SYT16: variants seen among roughly 807,000 people sequenced by gnomAD.
SYT16 encodes the protein synaptotagmin 16.
A neutral mutation model predicts 61.4 loss-of-function variants in SYT16; 42 were observed. That is an observed-to-expected ratio of 0.68 (90% CI 0.53 to 0.89). SYT16 has a LOEUF of 0.89. Ranked by LOEUF, SYT16 falls within the 40% of genes least tolerant of loss-of-function variation. SYT16 has a pLI of 0.00. For missense variants in SYT16, 804 were observed against 807.3 expected, an observed-to-expected ratio of 1.00 and a Z score of 0.05; for synonymous variants, 314 against 302.3, an observed-to-expected ratio of 1.04 and a Z score of -0.40.
intron 1 of SYT16, among the ~76,000 whole-genome samples, chr14:61,839,309 G>A (rs1412643781): frequency 6.6e-6 from 1 of 152,156 alleles, no homozygotes; most frequent in Non-Finnish European, 1.5e-5. Context: ...GCCATGTGAG[G>A]ACACATCAAG....
intron 3 of SYT16, among the ~76,000 whole-genome samples, chr14:62,027,028 G>A (rs758192100): frequency 2.9e-4 from 44 of 152,002 alleles, no homozygotes; most frequent in Admixed American, 6.6e-4. Flanking sequence ...AATTGTTTAT[G>A]ATGCTGATGT....
intron 3 of SYT16, among the ~76,000 whole-genome samples, chr14:62,033,155 G>A (rs2054370926): frequency 6.6e-6 from 1 of 151,814 alleles, no homozygotes; most frequent in African/African-American, 2.4e-5. Context: ...AAATATTAAG[G>A]CAAGAGGACA....
At chr14:61,842,391 A>AT (rs1225396799) in intron 1 of SYT16, among the ~76,000 whole-genome samples, 1 of 152,092 alleles carries the variant, frequency 6.6e-6, no homozygotes, top group Non-Finnish European at 1.5e-5. Context: ...ATTGCTTTGA[A>AT]TTTTAGGTCC....
intron 3 of SYT16, among the ~76,000 whole-genome samples, chr14:62,013,784 T>C (rs948523732): frequency 5.9e-5 from 9 of 152,198 alleles, no homozygotes; most frequent in African/African-American, 2.2e-4. Flanking sequence ...GCCAATATGG[T>C]GAAACCATGT....
At chr14:61,870,772 C>T (rs2047307345) in intron 1 of SYT16, among the ~76,000 whole-genome samples, 1 of 152,100 alleles carries the variant, frequency 6.6e-6, no homozygotes, top group Non-Finnish European at 1.5e-5. Context: ...TTATATTATT[C>T]ATCTCCATAA....
rs572595681 is a variant in SYT16 at position 62,006,241 on chromosome 14, C to A, written c.523+9699C>A. ...TGATGGGTTAACAGTCTGGAAGACT[C>A]CTCATGCACTCATTTGTTCCTTTAT... On this transcript the variant is annotated intron_variant, in intron 3 of 7. Coordinates refer to ENST00000683842, the MANE Select transcript of SYT16 (RefSeq NM_001367656.1). 5.8e-4 allele frequency among the ~76,000 whole-genome samples: 89 copies of A among 152,174 alleles called. 3 individuals are homozygous for A. Among genetic ancestry groups the A allele is most frequent in the Non-Finnish European group, 2.1e-4 (14 of 68,000 alleles).
chr14:61,937,150 G>T (rs533410320), intron 1 of SYT16, among the ~76,000 whole-genome samples: 1 of 152,344 alleles, frequency 6.6e-6, no homozygotes, highest in South Asian at 2.1e-4. Flanking sequence ...CTATTTCTAA[G>T]AGCTTCAAAG....
Position 62,108,494 on chromosome 14 carries a change from T to C in SYT16, c.*7787T>C, listed in dbSNP as rs753846332. On this transcript the variant is annotated 3_prime_UTR_variant, in exon 8 of 8. Coordinates refer to ENST00000683842, the MANE Select transcript of SYT16 (RefSeq NM_001367656.1). ...TTAAGATAGTTGCATTCTAGGACCA[T>C]GTTTCTTTTTTGAGAGTGTTTCTTT... is the stretch of plus-strand genomic sequence containing the variant. 1.1e-4 allele frequency: 16 copies of C among 152,198 alleles called. No individual in the cohort carries two copies. The highest frequency in any genetic ancestry group is 2.2e-4 in the Non-Finnish European group (15 of 68,022). The allele number at this position is 152,198 out of a possible 1,614,324, so 9.4% of individuals were successfully genotyped here.
Position 62,046,796 on chromosome 14 carries a change from C to T in SYT16, c.524-22807C>T, listed in dbSNP as rs536688731. 5.1e-3 allele frequency among the ~76,000 whole-genome samples: 780 copies of T among 152,246 alleles called. 5 individuals carry two copies. The highest frequency in any genetic ancestry group is 8.7e-3 in the Non-Finnish European group (592 of 68,016). On this transcript the variant is annotated intron_variant, in intron 3 of 7. Transcript: ENST00000683842. ...TGGCATTATGTCTGAGGGCTCTGTTCTGTTCCATTGGTCTATATCTCTGTT... is the reference window on the plus strand; with the variant it reads ...TGGCATTATGTCTGAGGGCTCTGTTTTGTTCCATTGGTCTATATCTCTGTT...
intron 1 of SYT16, among the ~76,000 whole-genome samples, chr14:61,820,360 G>A (rs1290280594): frequency 3.3e-5 from 5 of 151,498 alleles, no homozygotes; most frequent in South Asian, 2.1e-4. Context: ...GCACTTCTCC[G>A]CTGATGTGCA....
intron 4 of SYT16, among the ~76,000 whole-genome samples, chr14:62,070,036 A>G (rs770693265): frequency 1.3e-5 from 2 of 152,194 alleles, no homozygotes; most frequent in Non-Finnish European, 1.5e-5. Context: ...GTGGGTCTCA[A>G]TACTAGGTTG....
At chr14:61,879,017 T>G (rs912183681) in intron 1 of SYT16, among the ~76,000 whole-genome samples, 26 of 152,218 alleles carry the variant, frequency 1.7e-4, no homozygotes, top group Non-Finnish European at 2.2e-4. Context: ...CCTTCAGTGC[T>G]ACCACTGTAA....
chr14:61,839,254 A>G (rs747847611), intron 1 of SYT16, among the ~76,000 whole-genome samples: 2 of 152,220 alleles, frequency 1.3e-5, no homozygotes, highest in African/African-American at 4.8e-5. Flanking sequence ...TAATGCCACT[A>G]TAAAAACAAC....
intron 1 of SYT16, among the ~76,000 whole-genome samples, chr14:61,961,082 G>A (rs375803858): frequency 6.6e-6 from 1 of 152,040 alleles, no homozygotes; most frequent in Admixed American, 6.6e-5. Context: ...AAATTAAAAC[G>A]GGACACCTTC....
intron 3 of SYT16, among the ~76,000 whole-genome samples, chr14:62,049,510 C>A (rs575330378): frequency 6.6e-6 from 1 of 152,280 alleles, no homozygotes; most frequent in South Asian, 2.1e-4. Flanking sequence ...TGAATTTGAT[C>A]CTGTCATTAT....
At chr14:61,974,920 T>G (rs1223329442) in intron 2 of SYT16, among the ~76,000 whole-genome samples, 1 of 152,246 alleles carries the variant, frequency 6.6e-6, no homozygotes, top group Non-Finnish European at 1.5e-5. Flanking sequence ...TGCACAAGAT[T>G]ACTCTCTGCT....
chr14:61,984,590 C>G (rs1379266983), intron 2 of SYT16, among the ~76,000 whole-genome samples: 1 of 152,094 alleles, frequency 6.6e-6, no homozygotes, highest in Non-Finnish European at 1.5e-5. Context: ...ATAAACTGAG[C>G]TATGCTAACA....
intron 1 of SYT16, among the ~76,000 whole-genome samples, chr14:61,852,439 T>C (rs1317234894): frequency 1.3e-5 from 2 of 152,220 alleles, no homozygotes; most frequent in African/African-American, 4.8e-5. Flanking sequence ...AAATAGTTTT[T>C]TTCTAATTCT....
At chr14:61,863,256 C>T (rs979374796) in intron 1 of SYT16, among the ~76,000 whole-genome samples, 10 of 151,838 alleles carry the variant, frequency 6.6e-5, no homozygotes, top group African/African-American at 2.4e-4. Context: ...ATGAGAGTTC[C>T]TGTTGTTCCG....
Sources: allele counts gnomAD v4.1 joint callset (sites outside exome capture counted in the v4.1 genomes callset), GRCh38; gene constraint gnomAD v4.1.1; transcripts MANE v1.5; gene names NCBI Gene and HGNC (gene_info 2026-07-23, HGNC 2026-07-21).